BCAR1: variants seen among roughly 807,000 people sequenced by gnomAD.
BCAR1 encodes breast cancer anti-estrogen resistance protein 1.
In BCAR1, 30 loss-of-function variants were observed where a neutral mutation model predicts 67.6. The observed-to-expected ratio is 0.44, with a 90% CI of 0.33 to 0.60. BCAR1 has a LOEUF of 0.60. Among genes scored for constraint, BCAR1 ranks in the 20% least tolerant of loss-of-function variants. The pLI is 0.02. For synonymous variants in BCAR1, 626 were observed against 556.7 expected (o/e 1.12, Z -1.75); for missense variants, 1,313 against 1,222.3 (o/e 1.07, Z -1.11).
At chr16:75,252,984 C>G (rs949715129), upstream of BCAR1, among the ~76,000 whole-genome samples, 2 of 152,214 alleles carry the variant, frequency 1.3e-5, no homozygotes, top group Non-Finnish European at 2.9e-5. Flanking sequence ...CAATATTTGG[C>G]TTGGGAAGCA....
At chr16:75,236,851 T>C (rs763946913) in intron 4 of BCAR1, 31 bp downstream of exon 4, 23 of 1,606,558 alleles carry the variant, frequency 1.4e-5, no homozygotes, top group Non-Finnish European at 2.0e-5. Context: ...AGCCTCAGCC[T>C]GGCCCTGGCA....
intron 4 of BCAR1, 180 bp from the exon 5 acceptor site, chr16:75,236,166 G>A (rs541657590): frequency 8.1e-5 from 57 of 702,696 alleles, no homozygotes; most frequent in East Asian, 6.0e-4. Flanking sequence ...GCACACACAC[G>A]CGCACACACA....
At chr16:75,241,551 G>C (rs2077341875) in intron 2 of BCAR1, among the ~76,000 whole-genome samples, 1 of 152,202 alleles carries the variant, frequency 6.6e-6, no homozygotes, top group African/African-American at 2.4e-5. Flanking sequence ...CCTCTGACCA[G>C]ATGGCTGAAG....
chr16:75,245,109 G>C (rs1470132623), intron 1 of BCAR1, among the ~76,000 whole-genome samples: 1 of 152,246 alleles, frequency 6.6e-6, no homozygotes, highest in African/African-American at 2.4e-5. Flanking sequence ...GAGCGGGAGG[G>C]CGGGGGCTGT....
At chr16:75,246,516 G>A (rs551508618) in intron 1 of BCAR1, 1 of 152,436 alleles carries the variant, frequency 6.6e-6, no homozygotes, top group African/African-American at 2.4e-5. Context: ...CAGGATTCCT[G>A]TCTGAGAAGA....
At chr16:75,252,461 G>A, upstream of BCAR1, 1 of 1,412,588 alleles carries the variant, frequency 7.1e-7, no homozygotes, top group African/African-American at 1.4e-5. Context: ...AGACAACCTT[G>A]GCTCTCCTGA....
Position 75,235,611 on chromosome 16 carries a change from A to C in BCAR1, c.1288T>G (p.Ser430Ala). ...APAEGKRLSA[S>A]STGSTRSSQS... ...CTGCTGCGTGTGCTGCCGGTGCTGG[A>C]GGCCGACAGGCGCTTGCCCTCTGCC... The change falls in exon 5 of 7, where the codon TCC (serine) becomes GCC (alanine). Residue 430 changes from serine (S) to alanine (A), a missense_variant. By Grantham distance (99) the Ser-to-Ala change is moderately conservative. Around this residue, in one of 2 missense-constraint regions of BCAR1, gnomAD observed 1,272 missense variants for 1,137.5 expected, o/e 1.12. Transcript: ENST00000162330. 6.3e-7 allele frequency: 1 copy of C among 1,597,582 alleles called. No homozygotes were observed. The highest frequency in any genetic ancestry group is 8.5e-7 in the Non-Finnish European group (1 of 1,171,068).
In BCAR1 at chr16:75,237,172, C is replaced by A; in HGVS notation, c.795+11G>T. On this transcript the variant is annotated intron_variant, in intron 3 of 6. Coordinates refer to ENST00000162330, the MANE Select transcript of BCAR1 (RefSeq NM_014567.5). ...GCCCTGCCCTCCCACCGCTGCGCAC[C>A]CCACACCTACCTCCTGGCCATACTG... The A allele has an allele frequency of 6.4e-7, 1 of 1,565,058 alleles. No individual in the cohort carries two copies. The highest frequency in any genetic ancestry group is 2.4e-5 in the East Asian group (1 of 42,246).
Position 75,229,823 on chromosome 16 carries a change from G to A in BCAR1, c.2301C>T (p.Thr767=), listed in dbSNP as rs756155547. 1.4e-5 allele frequency: 22 copies of A among 1,613,480 alleles called. No individual in the cohort carries two copies. The highest frequency in any genetic ancestry group is 3.3e-5 in the South Asian group (3 of 91,086). Residue 767 remains threonine, a synonymous_variant, in exon 7 of 7, where the codon ACC becomes ACT. Transcript: ENST00000162330. ...TLTNAVDAFF[T]AVATNQPPKI... ...TGGGCGGCTGGTTGGTGGCCACGGC[G>A]GTAAAGAAGGCGTCCACGGCGTTGG...
intron 1 of BCAR1, chr16:75,250,041 G>T (rs2151458984): frequency 6.6e-6 from 1 of 152,520 alleles, no homozygotes; most frequent in East Asian, 1.9e-4. Context: ...GGCCCTAGTG[G>T]CACTGTCCTT....
chr16:75,242,309 T>A (rs1430385115), intron 2 of BCAR1, among the ~76,000 whole-genome samples, 161 bp downstream of exon 2: 1 of 152,152 alleles, frequency 6.6e-6, no homozygotes, highest in African/African-American at 2.4e-5. Context: ...CCCGGACAAA[T>A]GAACACCCCC....
chr16:75,261,078 T>C (rs1011643092), intron 1 of BCAR1, among the ~76,000 whole-genome samples: 2 of 152,332 alleles, frequency 1.3e-5, no homozygotes, highest in South Asian at 4.1e-4. Context: ...GAGCCGCGAC[T>C]TGTGACCATC....
At chr16:75,257,375 G>A (rs2077802795) in intron 1 of BCAR1, among the ~76,000 whole-genome samples, 2 of 152,202 alleles carry the variant, frequency 1.3e-5, no homozygotes, top group Non-Finnish European at 2.9e-5. Context: ...ATCACAAGAG[G>A]GGACCCTGGG....
chr16:75,240,707 G>A (rs960102909), intron 2 of BCAR1, among the ~76,000 whole-genome samples: 1 of 152,236 alleles, frequency 6.6e-6, no homozygotes, highest in South Asian at 2.1e-4. Context: ...AATCAAGACT[G>A]GGGGAGGTTT....
intron 2 of BCAR1, among the ~76,000 whole-genome samples, chr16:75,242,256 C>T (rs1312561242): frequency 3.3e-5 from 5 of 152,208 alleles, no homozygotes; most frequent in Admixed American, 3.3e-4. Flanking sequence ...TTGGCTGAGG[C>T]CAGCGGAGCA....
chr16:75,240,876 C>T (rs867823334), intron 2 of BCAR1, among the ~76,000 whole-genome samples: 1 of 152,254 alleles, frequency 6.6e-6, no homozygotes, highest in Non-Finnish European at 1.5e-5. Context: ...AGAGCAGGCC[C>T]CCTGCCGGAG....
At chr16:75,234,711 G>A (rs2077037439) in intron 5 of BCAR1, among the ~76,000 whole-genome samples, 178 bp downstream of exon 5, 1 of 152,238 alleles carries the variant, frequency 6.6e-6, no homozygotes, top group South Asian at 2.1e-4. Flanking sequence ...ACTCAACGAA[G>A]GGCTCGATGA....
intron 1 of BCAR1, chr16:75,263,237 T>C: frequency 1.1e-6 from 1 of 949,854 alleles, no homozygotes; most frequent in Non-Finnish European, 1.2e-6. Context: ...AGCTGGAAGC[T>C]GGCCTCTTAC....
chr16:75,233,846 C>G lies in BCAR1; in HGVS notation c.2100G>C (p.Gln700His), dbSNP rs1465748886. 3.7e-6 allele frequency: 6 copies of G among 1,602,734 alleles called. No individual in the cohort carries two copies. The highest frequency in any genetic ancestry group is 1.3e-5 in the African/African-American group (1 of 74,760). ...GCCTTGCTCTGCTCCGGGGCCTCAC[C>G]TGCTGCAACTCCAGCTGGCTCTTGC... ...RQGKSQLELQ[Q>H]LKQFERLEQE... The change falls in exon 6 of 7, where the codon CAG becomes CAC. Residue 700 changes from glutamine (Q) to histidine (H), a missense_variant and splice_region_variant. Coordinates refer to ENST00000162330, the MANE Select transcript of BCAR1 (RefSeq NM_014567.5).
Sources: gnomAD v4.1 joint callset for allele counts (sites outside exome capture counted in the v4.1 genomes callset) on GRCh38, gnomAD v4.1.1 for gene constraint, gnomAD v4.1.1 regional missense constraint, MANE v1.5 for transcripts, NCBI Gene and HGNC (gene_info 2026-07-23, HGNC 2026-07-21) for gene names.